Variants in BACH2 observed in about 807,000 individuals in gnomAD.
The protein encoded by BACH2 is transcription regulator protein BACH2.
Under a neutral mutation model 61.8 loss-of-function variants are expected in BACH2, and 5 were observed. The observed-to-expected ratio is 0.08, with a 90% CI of 0.04 to 0.17. The LOEUF (loss-of-function observed/expected upper bound fraction) is 0.17, where lower values mean the gene tolerates loss of function less well. BACH2 is among the 10% of genes least tolerant of loss of function. The pLI, the probability that BACH2 is intolerant of heterozygous loss-of-function variation, is 1.00. For missense variants in BACH2, 824 were observed against 1,091.1 expected (o/e 0.76, Z 3.45); for synonymous variants, 446 against 440.1 (o/e 1.01, Z -0.17).
intron 6 of BACH2, among the ~76,000 whole-genome samples, chr6:89,965,709 A>C (rs919516984): frequency 6.6e-6 from 1 of 152,364 alleles, no homozygotes; most frequent in East Asian, 1.9e-4. Flanking sequence ...TTTTTCTTCA[A>C]GAACTGAAGT....
intron 3 of BACH2, among the ~76,000 whole-genome samples, chr6:90,228,026 C>T (rs562362397): frequency 4.6e-5 from 7 of 152,330 alleles, no homozygotes; most frequent in African/African-American, 1.4e-4. Context: ...TTTTTATCCA[C>T]AAAATAACAT....
intron 6 of BACH2, among the ~76,000 whole-genome samples, chr6:89,973,828 T>C (rs952215172): frequency 6.6e-6 from 1 of 152,108 alleles, no homozygotes; most frequent in South Asian, 2.1e-4. Context: ...AATGTCTTCA[T>C]GTGATCAACT....
intron 7 of BACH2, among the ~76,000 whole-genome samples, chr6:89,944,590 T>A (rs1399114956): frequency 6.6e-6 from 1 of 152,182 alleles, no homozygotes; most frequent in Non-Finnish European, 1.5e-5. Flanking sequence ...TGTCTCAAAG[T>A]CAGCATTGGG....
chr6:90,120,691 AAGT>A, intron 4 of BACH2, among the ~76,000 whole-genome samples: 1 of 152,178 alleles, frequency 6.6e-6, no homozygotes, highest in African/African-American at 2.4e-5. Flanking sequence ...ATCCAATAGA[AAGT>A]CTTTTAACCA....
chr6:90,140,588 C>G (rs1461314246), intron 4 of BACH2, among the ~76,000 whole-genome samples: 1 of 152,026 alleles, frequency 6.6e-6, no homozygotes, highest in Non-Finnish European at 1.5e-5. Flanking sequence ...TTGGCTGAGC[C>G]CAGGTGGTAG....
chr6:90,192,384 A>G (rs183280956), intron 4 of BACH2, among the ~76,000 whole-genome samples: 78 of 152,166 alleles, frequency 5.1e-4, no homozygotes, highest in Non-Finnish European at 9.1e-4. Flanking sequence ...TAGAGAATTC[A>G]TAACTTCTTA....
At chr6:90,266,623 A>T (rs952320818) in intron 2 of BACH2, among the ~76,000 whole-genome samples, 1 of 152,186 alleles carries the variant, frequency 6.6e-6, no homozygotes, top group Non-Finnish European at 1.5e-5. Context: ...AACCTCAAAA[A>T]TGTTATGCTA....
At chr6:90,236,790 T>C (rs1008476051) in intron 3 of BACH2, among the ~76,000 whole-genome samples, 3 of 152,196 alleles carry the variant, frequency 2.0e-5, no homozygotes, top group African/African-American at 2.4e-5. Context: ...TAGAAAACTG[T>C]GCCTGTCACT....
At chr6:90,170,498 T>C (rs1767776238) in intron 4 of BACH2, among the ~76,000 whole-genome samples, 1 of 152,238 alleles carries the variant, frequency 6.6e-6, no homozygotes, top group Admixed American at 6.5e-5. Context: ...CAAGTATTTG[T>C]TGAAAAGTCA....
At position 89,951,891 on chromosome 6, in the gene BACH2, A is replaced by T; in HGVS notation, c.244-29T>A. 1 of 1,597,178 alleles carries T rather than the reference A, an allele frequency of 6.3e-7. No individual in the cohort carries two copies. Among genetic ancestry groups the T allele is most frequent in the Non-Finnish European group, 8.6e-7 (1 of 1,169,334 alleles). ...CAAAACAAACAGGGAAATCGCCAAC[A>T]TTACCATCAGCACTGCTATTGTCCC... On this transcript the variant is annotated intron_variant, in intron 6 of 8. Transcript: ENST00000257749. The surrounding 1 kb of genome is among the most constrained non-coding windows in gnomAD (Gnocchi z 6.4).
intron 7 of BACH2, among the ~76,000 whole-genome samples, chr6:89,941,128 G>A (rs978967517): frequency 1.3e-5 from 2 of 152,210 alleles, no homozygotes; most frequent in Non-Finnish European, 2.9e-5. Context: ...TTAAGTCTGT[G>A]TTCTTCAAGG....
intron 2 of BACH2, among the ~76,000 whole-genome samples, chr6:90,268,791 G>A (rs926312410): frequency 6.6e-6 from 1 of 152,012 alleles, no homozygotes; most frequent in African/African-American, 2.4e-5. Context: ...AAGATATTTA[G>A]GAACTTTAAT....
At chr6:90,111,115 C>T (rs895534884) in intron 4 of BACH2, among the ~76,000 whole-genome samples, 3 of 152,054 alleles carry the variant, frequency 2.0e-5, no homozygotes, top group Non-Finnish European at 1.5e-5. Flanking sequence ...GTCAATACTG[C>T]GAAAAAGACA....
rs143957284 is a variant in BACH2, at chr6:89,974,877, G to A, written c.244-23015C>T. 6.4e-4 allele frequency among the ~76,000 whole-genome samples: 98 copies of A among 152,222 alleles called. 2 individuals are homozygous for A. In the East Asian group the frequency reaches 0.018, roughly 29 times the overall value. On this transcript the variant is annotated intron_variant, in intron 6 of 8. Transcript: ENST00000257749. ...AAAGTAGACACGTATGTATCTTCAT[G>A]GTAGCTTTTAAAGCAAGTTCTACAA... is the stretch of plus-strand genomic sequence containing the variant.
intron 4 of BACH2, among the ~76,000 whole-genome samples, chr6:90,142,067 C>T (rs1175825637): frequency 1.3e-5 from 2 of 152,230 alleles, no homozygotes; most frequent in Non-Finnish European, 2.9e-5. Context: ...GGTGACAGAA[C>T]TAGACTCTGT....
At chr6:90,090,269 T>C (rs1782107405) in intron 4 of BACH2, among the ~76,000 whole-genome samples, 1 of 152,194 alleles carries the variant, frequency 6.6e-6, no homozygotes, top group Non-Finnish European at 1.5e-5. Flanking sequence ...TGTTTTTTTC[T>C]TTGTTATTGT....
intron 6 of BACH2, among the ~76,000 whole-genome samples, chr6:89,990,360 G>A (rs746586246): frequency 4.9e-4 from 75 of 152,246 alleles, no homozygotes; most frequent in Middle Eastern, 3.4e-3. Context: ...AGTCTGCTGC[G>A]AAATTCTCAA....
At chr6:89,965,491 T>C (rs1309846307) in intron 6 of BACH2, among the ~76,000 whole-genome samples, 1 of 152,250 alleles carries the variant, frequency 6.6e-6, no homozygotes, top group Non-Finnish European at 1.5e-5. Flanking sequence ...TATTATGAGT[T>C]AAGCAAGATA....
chr6:90,008,971 G>C lies in BACH2; in HGVS notation c.-12-115C>G. The C allele has an allele frequency of 7.9e-7, 1 of 1,264,224 alleles. No homozygotes were observed. Among genetic ancestry groups the C allele is most frequent in the Non-Finnish European group, 1.1e-6 (1 of 928,818 alleles). The allele number at this position is 1,264,224 out of a possible 1,614,324, so 78.3% of individuals were successfully genotyped here. On this transcript the variant is annotated intron_variant, in intron 5 of 8. Coordinates refer to ENST00000257749, the MANE Select transcript of BACH2 (RefSeq NM_021813.4). The surrounding 1 kb of genome is among the most constrained non-coding windows in gnomAD (Gnocchi z 4.1). ...CATGGTTCCTGTGTCCCACTGCCAT[G>C]AGCATGGCAGGAAGGAGGGGAATTA... is the stretch of plus-strand genomic sequence containing the variant.
Sources: gnomAD v4.1 joint callset for allele counts (sites outside exome capture counted in the v4.1 genomes callset) on GRCh38, gnomAD v4.1.1 for gene constraint, Gnocchi (gnomAD v3.1) non-coding constraint, MANE v1.5 for transcripts, NCBI Gene and HGNC (gene_info 2026-07-23, HGNC 2026-07-21) for gene names.